MGMT: variants seen among roughly 807,000 people sequenced by gnomAD.
The protein encoded by MGMT is O-6-methylguanine-DNA methyltransferase.
Under a neutral mutation model 15.9 loss-of-function variants are expected in MGMT, and 14 were observed. That is an observed-to-expected ratio of 0.88 (90% CI 0.58 to 1.37). MGMT has a LOEUF of 1.37. Among genes scored for constraint, MGMT ranks in the 40% most tolerant of loss-of-function variants. The probability of loss-of-function intolerance (pLI) is 0.00; values close to 1 mark genes in which losing one functional copy is unlikely to be tolerated. For missense variants in MGMT, 282 were observed against 268.1 expected, an observed-to-expected ratio of 1.05 and a Z score of -0.36; for synonymous variants, 130 against 118.2, an observed-to-expected ratio of 1.10 and a Z score of -0.65.
intron 3 of MGMT, among the ~76,000 whole-genome samples, chr10:129,732,237 G>C (rs574148441): frequency 2.8e-4 from 43 of 152,196 alleles, no homozygotes; most frequent in African/African-American, 1.0e-3. Context: ...CATGTGCTAT[G>C]TTGGTGTGCT....
chr10:129,598,806 C>T (rs189854081), intron 2 of MGMT, among the ~76,000 whole-genome samples: 3 of 152,282 alleles, frequency 2.0e-5, no homozygotes, highest in Admixed American at 2.0e-4. Flanking sequence ...CCCTCCTGGG[C>T]TCACACTCCA....
intron 2 of MGMT, among the ~76,000 whole-genome samples, chr10:129,627,706 G>A (rs894991551): frequency 6.6e-6 from 1 of 152,118 alleles, no homozygotes; most frequent in Non-Finnish European, 1.5e-5. Flanking sequence ...TTTGGCTCTT[G>A]TATAAATATC....
chr10:129,673,858 A>G (rs371525621), intron 2 of MGMT, among the ~76,000 whole-genome samples: 2 of 152,208 alleles, frequency 1.3e-5, no homozygotes, highest in African/African-American at 4.8e-5. Context: ...GTGCGAAAAA[A>G]GTCTGCCTTT....
At chr10:129,552,692 G>A (rs943363228) in intron 2 of MGMT, among the ~76,000 whole-genome samples, 6 of 152,160 alleles carry the variant, frequency 3.9e-5, no homozygotes, top group African/African-American at 7.2e-5. Flanking sequence ...CTGAGACTTC[G>A]GGGCTACTGA....
At chr10:129,721,352 T>G (rs1055457214) in intron 3 of MGMT, among the ~76,000 whole-genome samples, 1 of 152,224 alleles carries the variant, frequency 6.6e-6, no homozygotes, top group Non-Finnish European at 1.5e-5. Flanking sequence ...ATTCCAGAGG[T>G]CTGCATGGTA....
intron 1 of MGMT, among the ~76,000 whole-genome samples, chr10:129,517,352 C>T (rs1217509812): frequency 6.6e-6 from 1 of 152,170 alleles, no homozygotes; most frequent in South Asian, 2.1e-4. Flanking sequence ...CAGAGCACAT[C>T]GTGAATCTTT....
At chr10:129,682,056 C>G (rs557929484) in intron 2 of MGMT, among the ~76,000 whole-genome samples, 1 of 152,310 alleles carries the variant, frequency 6.6e-6, no homozygotes, top group South Asian at 2.1e-4. Flanking sequence ...AGACCACACA[C>G]TCCTACAGCC....
At chr10:129,616,297 C>T (rs774607298) in intron 2 of MGMT, among the ~76,000 whole-genome samples, 3 of 152,202 alleles carry the variant, frequency 2.0e-5, no homozygotes, top group South Asian at 2.1e-4. Context: ...CGATGCTCAT[C>T]GTGAAGATGC....
At chr10:129,535,566 C>G (rs978687454) in intron 1 of MGMT, among the ~76,000 whole-genome samples, 1 of 152,184 alleles carries the variant, frequency 6.6e-6, no homozygotes, top group Non-Finnish European at 1.5e-5. Context: ...GTTGCCCAGT[C>G]TGGTTTCAAC....
At chr10:129,547,788 A>G (rs1487083334) in intron 2 of MGMT, among the ~76,000 whole-genome samples, 2 of 152,184 alleles carry the variant, frequency 1.3e-5, no homozygotes, top group African/African-American at 4.8e-5. Context: ...CAGAACAGCA[A>G]TGTTAGCCTT....
intron 1 of MGMT, among the ~76,000 whole-genome samples, chr10:129,512,998 C>T (rs7075213): frequency 0.15 from 23,566 of 152,204 alleles, 2,558 homozygotes; most frequent in African/African-American, 0.3. Context: ...AGAACACACA[C>T]AAACGTCTAT....
At chr10:129,763,617 C>G (rs1432362334) in intron 4 of MGMT, among the ~76,000 whole-genome samples, 1 of 152,210 alleles carries the variant, frequency 6.6e-6, no homozygotes, top group East Asian at 1.9e-4. Context: ...GCTGTGAAAT[C>G]TGCTATTAGG....
chr10:129,646,754 A>ATTTTTTT (rs1554873525), intron 2 of MGMT, among the ~76,000 whole-genome samples: 62 of 86,530 alleles, frequency 7.2e-4, no homozygotes, highest in Non-Finnish European at 1.4e-3. Context: ...ATATATATAT[A>ATTTTTTT]TTTTCAGGGA....
intron 2 of MGMT, among the ~76,000 whole-genome samples, chr10:129,602,726 C>T (rs1846838812): frequency 6.6e-6 from 1 of 152,126 alleles, no homozygotes. Context: ...TACCTGGGGG[C>T]TGCCACCCTC....
At chr10:129,614,916 C>T (rs1400010031) in intron 2 of MGMT, among the ~76,000 whole-genome samples, 1 of 152,140 alleles carries the variant, frequency 6.6e-6, no homozygotes, top group East Asian at 1.9e-4. Context: ...TTTTGCAAAG[C>T]ATTTTGCATA....
rs1184909895 is a variant in MGMT, at chr10:129,566,252, A to C, written c.125+29875A>C. 1.3e-5 allele frequency among the ~76,000 whole-genome samples: 2 copies of C among 152,154 alleles called. No homozygotes were observed. The highest frequency in any genetic ancestry group is 2.9e-5 in the Non-Finnish European group (2 of 68,016). On this transcript the variant is annotated intron_variant, in intron 2 of 4. Coordinates refer to ENST00000651593, the MANE Select transcript of MGMT (RefSeq NM_002412.5). The surrounding 1 kb of genome is among the most constrained non-coding windows in gnomAD (Gnocchi z 4.1). ...TGTCTAGGTGCCAGGGGCTCGGGAC[A>C]CAGAGCTCCTGGAGGCCGAGCACAA...
At chr10:129,517,256 C>A (rs979920451) in intron 1 of MGMT, among the ~76,000 whole-genome samples, 1 of 152,206 alleles carries the variant, frequency 6.6e-6, no homozygotes, top group Admixed American at 6.5e-5. Context: ...TCCTCTTTGG[C>A]CAGAGGGCAC....
intron 2 of MGMT, among the ~76,000 whole-genome samples, chr10:129,621,134 A>G (rs748477598): frequency 1.3e-5 from 2 of 152,200 alleles, no homozygotes; most frequent in Non-Finnish European, 2.9e-5. Flanking sequence ...TAAATAATTT[A>G]AATATAAATA....
rs200161468 is a variant in MGMT at position 129,766,916 on chromosome 10, G to T, written c.543G>T (p.Leu181Phe). Residue 181 changes from leucine (L) to phenylalanine (F), a missense_variant, in exon 5 of 5, where the codon TTG (leucine) becomes TTT (phenylalanine). Coordinates refer to ENST00000651593, the MANE Select transcript of MGMT (RefSeq NM_002412.5). Reference sequence around the variant, plus strand: ...GCCACCGGTTGGGGAAGCCAGGCTTGGGAGGGAGCTCAGGTCTGGCAGGGG... The same window carrying T: ...GCCACCGGTTGGGGAAGCCAGGCTTTGGAGGGAGCTCAGGTCTGGCAGGGG... ...HEGHRLGKPG[L>F]GGSSGLAGAW... 5.2e-5 allele frequency: 84 copies of T among 1,613,448 alleles called. 1 individual carries two copies. The highest frequency in any genetic ancestry group is 3.3e-4 in the Middle Eastern group (2 of 6,056).
Sources: gnomAD v4.1 joint callset for allele counts (sites outside exome capture counted in the v4.1 genomes callset) on GRCh38, gnomAD v4.1.1 for gene constraint, Gnocchi (gnomAD v3.1) non-coding constraint, MANE v1.5 for transcripts, NCBI Gene and HGNC (gene_info 2026-07-23, HGNC 2026-07-21) for gene names.